The following CBY1 variants were observed in gnomAD, a reference collection of about 807,000 sequenced individuals.
CBY1 encodes protein chibby homolog 1.
CBY1 carries 10 observed loss-of-function variants against 15.6 expected under a neutral mutation model. The ratio of observed to expected loss-of-function variants is 0.64; its 90% confidence interval spans 0.40 to 1.09. The LOEUF is 1.09. Ranked by LOEUF, CBY1 falls within the 50% of genes least tolerant of loss-of-function variation. CBY1 has a pLI of 0.01. For missense variants in CBY1, 150 were observed against 160.5 expected, an observed-to-expected ratio of 0.93 and a Z score of 0.35; for synonymous variants, 61 against 63.5, an observed-to-expected ratio of 0.96 and a Z score of 0.19.
intron 1 of CBY1, among the ~76,000 whole-genome samples, chr22:38,663,322 G>A (rs1484606550): frequency 2.6e-5 from 4 of 151,868 alleles, no homozygotes; most frequent in African/African-American, 9.7e-5. Context: ...GGATGTGGTG[G>A]TGCGTGCCTA....
In CBY1 at chr22:38,671,118, G is replaced by A. The variant is rs146659650; in HGVS notation, c.233G>A (p.Arg78His). ...GVDRREVQRL[R>H]RRNQQLEEEN... ...GACCGGAGGGAGGTTCAGCGCCTTC[G>A]CAGGCGGAACCAGCAGTTGGAGGAA... The change falls in exon 4 of 5, where the codon CGC (arginine) becomes CAC (histidine). Residue 78 changes from arginine (R) to histidine (H), a missense_variant. By Grantham distance (29) the Arg-to-His change is conservative. Coordinates refer to ENST00000216029, the MANE Select transcript of CBY1 (RefSeq NM_015373.4). 4.3e-5 allele frequency: 69 copies of A among 1,614,128 alleles called. No individual in the cohort carries two copies. The highest frequency in any genetic ancestry group is 5.5e-5 in the Non-Finnish European group (65 of 1,180,046).
chr22:38,664,773 C>T (rs149096226), intron 1 of CBY1, among the ~76,000 whole-genome samples: 204 of 152,114 alleles, frequency 1.3e-3, no homozygotes, highest in African/African-American at 4.4e-3. Flanking sequence ...ATAGTTATAC[C>T]CCTAAGTATG....
chr22:38,662,969 CATT>C (rs1174436005), intron 1 of CBY1, among the ~76,000 whole-genome samples: 1 of 151,552 alleles, frequency 6.6e-6, no homozygotes, highest in Admixed American at 6.6e-5. Flanking sequence ...AAAGTACAAA[CATT>C]AGTTGGGTGT....
At position 38,672,585 on chromosome 22, in the gene CBY1, A is replaced by G. The variant is rs1446366881; in HGVS notation, c.304-574A>G. Reference sequence around the variant, plus strand: ...CCTGTCTTGGCCTCCCAAAGTGCTGAGATTACAGGCATGAGCCACCACGCC... The same window carrying G: ...CCTGTCTTGGCCTCCCAAAGTGCTGGGATTACAGGCATGAGCCACCACGCC... On this transcript the variant is annotated intron_variant, in intron 4 of 4. Transcript: ENST00000216029. Among the ~76,000 whole-genome samples, 3 of 151,940 alleles carry G rather than the reference A, an allele frequency of 2.0e-5. No homozygotes were observed. In the East Asian group the frequency reaches 5.9e-4, roughly 30 times the overall value.
chr22:38,664,015 G>A (rs534867190), intron 1 of CBY1, among the ~76,000 whole-genome samples: 8 of 149,000 alleles, frequency 5.4e-5, no homozygotes, highest in Non-Finnish European at 1.2e-4. Flanking sequence ...GAGCGAGACT[G>A]TGTTTCAAAA....
rs1467824425 is a variant in CBY1, at chr22:38,671,199, T to G, written c.303+11T>G. 6.3e-7 allele frequency: 1 copy of G among 1,586,364 alleles called. No homozygotes were observed. The highest frequency in any genetic ancestry group is 1.7e-5 in the Admixed American group (1 of 59,960). On this transcript the variant is annotated intron_variant, in intron 4 of 4. Coordinates refer to ENST00000216029, the MANE Select transcript of CBY1 (RefSeq NM_015373.4). ...ATCTTATTAGACATGGTGAGGCAGG[T>G]GATGGGGAAGAGAGGCCTAGCTTCT... is the stretch of plus-strand genomic sequence containing the variant.
chr22:38,671,161 G>T lies in CBY1; in HGVS notation c.276G>T (p.Arg92=). The change falls in exon 4 of 5, where the codon CGG becomes CGT. Residue 92 remains arginine, a synonymous_variant. Transcript: ENST00000216029. ...TGGAGGAAGAGAACAATCTCTTGCG[G>T]CTGAAAGTGGACATCTTATTAGACA... ...QQLEEENNLL[R]LKVDILLDML... 6.2e-7 allele frequency: 1 copy of T among 1,613,784 alleles called. No individual in the cohort carries two copies.
At position 38,673,258 on chromosome 22, in the gene CBY1, G is replaced by A. The variant is rs934446508; in HGVS notation, c.*22G>A. ...ATGAAGACCCCAGAGACATTTATTG[G>A]GGAGTAGGATGTGGCTGAGTGCTTT... is the stretch of plus-strand genomic sequence containing the variant. On this transcript the variant is annotated 3_prime_UTR_variant, in exon 5 of 5. Coordinates refer to ENST00000216029, the MANE Select transcript of CBY1 (RefSeq NM_015373.4). 3.2e-6 allele frequency: 5 copies of A among 1,544,974 alleles called. No homozygotes were observed. The African/African-American group carries it at 6.8e-5, about 21-fold the overall frequency.
chr22:38,663,715 A>AG, intron 1 of CBY1, among the ~76,000 whole-genome samples: 1 of 142,510 alleles, frequency 7.0e-6, no homozygotes, highest in Non-Finnish European at 1.5e-5. Flanking sequence ...AAAAAAAAAA[A>AG]GGAAAAAAAA....
intron 1 of CBY1, among the ~76,000 whole-genome samples, chr22:38,663,927 C>T (rs1229884325): frequency 2.7e-5 from 4 of 150,790 alleles, no homozygotes; most frequent in Non-Finnish European, 5.9e-5. Context: ...GAGGTTGAGA[C>T]AGGAGAATCT....
chr22:38,670,394 CAAA>C (rs781043682), intron 2 of CBY1: 12 of 78,214 alleles, frequency 1.5e-4, no homozygotes, highest in South Asian at 4.1e-4. Flanking sequence ...AACTCCGTCT[CAAA>C]AAAAAAAAAA....
At chr22:38,664,720 G>C (rs1049340109) in intron 1 of CBY1, among the ~76,000 whole-genome samples, 10 of 152,134 alleles carry the variant, frequency 6.6e-5, no homozygotes, top group Non-Finnish European at 1.5e-4. Context: ...AAACCATTTG[G>C]CAGAATCTGT....
chr22:38,660,654 A>C (rs2092419763), intron 1 of CBY1, among the ~76,000 whole-genome samples: 1 of 152,076 alleles, frequency 6.6e-6, no homozygotes. Context: ...ACGCAGACGC[A>C]TATACACCTT....
At chr22:38,668,204 G>A (rs2072795) in intron 2 of CBY1, 72 bp downstream of exon 2, 261,846 of 908,502 alleles carry the variant, frequency 0.29, 38,690 homozygotes, top group East Asian at 0.35. Flanking sequence ...TGAATGGAAA[G>A]TGTGGTCCTC....
chr22:38,669,414 T>G (rs571820974), intron 2 of CBY1, among the ~76,000 whole-genome samples: 14 of 152,292 alleles, frequency 9.2e-5, no homozygotes, highest in African/African-American at 3.4e-4. Context: ...GATTGATACC[T>G]TTCTATGTGC....
chr22:38,668,038 C>G lies in CBY1; in HGVS notation c.-17C>G, dbSNP rs755752571. On this transcript the variant is annotated 5_prime_UTR_variant, in exon 2 of 5. Transcript: ENST00000216029. ...CTAGGAGAAGGGAGCACTGGCTTTG[C>G]TTTCATCAGGCCAAAGATGCCTTTC... is the stretch of plus-strand genomic sequence containing the variant. 8.7e-6 allele frequency: 14 copies of G among 1,613,064 alleles called. No homozygotes were observed. The East Asian group carries it at 3.1e-4, about 36-fold the overall frequency.
intron 1 of CBY1, among the ~76,000 whole-genome samples, chr22:38,657,813 A>C (rs1349942600): frequency 6.6e-6 from 1 of 152,162 alleles, no homozygotes; most frequent in African/African-American, 2.4e-5. Context: ...TGCAGTTAGC[A>C]TCAGTGGGGA....
At chr22:38,668,501 G>A (rs1603118967) in intron 2 of CBY1, 1 of 171,142 alleles carries the variant, frequency 5.8e-6, no homozygotes, top group Middle Eastern at 2.7e-3. Context: ...CTCCTGAGTA[G>A]CTGGGATTAC....
intron 1 of CBY1, among the ~76,000 whole-genome samples, chr22:38,660,102 G>A (rs147577033): frequency 1.3e-5 from 2 of 152,008 alleles, no homozygotes; most frequent in Non-Finnish European, 2.9e-5. Context: ...GATTCCACCA[G>A]TAATAACAGT....
Sources: allele counts gnomAD v4.1 joint callset (sites outside exome capture counted in the v4.1 genomes callset), GRCh38; gene constraint gnomAD v4.1.1; transcripts MANE v1.5; gene names NCBI Gene and HGNC (gene_info 2026-07-23, HGNC 2026-07-21).